CELF2: variants seen among roughly 807,000 people sequenced by gnomAD.
CELF2 encodes CUGBP Elav-like family member 2, also known as CUG triplet repeat RNA-binding protein 2.
A neutral mutation model predicts 62.6 loss-of-function variants in CELF2; 8 were observed. The ratio of observed to expected loss-of-function variants is 0.13; its 90% confidence interval spans 0.07 to 0.23. The LOEUF is 0.23. CELF2 is among the 10% of genes least tolerant of loss of function. CELF2 has a pLI of 1.00. For synonymous variants in CELF2, 258 were observed against 250.0 expected (o/e 1.03, Z -0.30); for missense variants, 333 against 671.0 (o/e 0.50, Z 5.56).
In CELF2 at chr10:11,199,887, A is replaced by G. The variant is rs182805253; in HGVS notation, c.272-17538A>G. ...GCTAGAGGTAACCTGGAAGTGTCCT[A>G]ATTGGATGGCCTGAATTTCTCACCC... On this transcript the variant is annotated intron_variant, in intron 2 of 12. Transcript: ENST00000633077. Among the ~76,000 whole-genome samples the G allele has an allele frequency of 1.0e-3, 159 of 152,286 alleles. 1 individual carries two copies. The highest frequency in any genetic ancestry group is 2.7e-3 in the South Asian group (13 of 4,830).
At chr10:11,240,844 G>C (rs1286844888) in intron 3 of CELF2, among the ~76,000 whole-genome samples, 1 of 152,144 alleles carries the variant, frequency 6.6e-6, no homozygotes, top group East Asian at 1.9e-4. Context: ...CAGATTCTTA[G>C]AAACCCCAAA....
chr10:11,197,074 A>G (rs553771678), intron 2 of CELF2, among the ~76,000 whole-genome samples: 7 of 141,490 alleles, frequency 4.9e-5, no homozygotes, highest in African/African-American at 1.7e-4. Context: ...AAGAAAGGAA[A>G]GAAAGAAAGA....
At chr10:11,303,301 C>T (rs2093937356) in intron 9 of CELF2, among the ~76,000 whole-genome samples, 1 of 152,202 alleles carries the variant, frequency 6.6e-6, no homozygotes, top group Non-Finnish European at 1.5e-5. Flanking sequence ...CATGTCTGGT[C>T]ACCCTTCTCG....
intron 1 of CELF2, among the ~76,000 whole-genome samples, chr10:10,822,134 T>C (rs1013748863): frequency 2.0e-5 from 3 of 152,204 alleles, no homozygotes; most frequent in African/African-American, 7.2e-5. Context: ...GGTTGCTTGT[T>C]CTAGAGCCTG....
Position 11,115,489 on chromosome 10 carries a change from A to T in CELF2, c.75-49997A>T, listed in dbSNP as rs74523078. Among the ~76,000 whole-genome samples the T allele has an allele frequency of 4.4e-3, 663 of 152,312 alleles. 6 individuals are homozygous for T. The highest frequency in any genetic ancestry group is 0.015 in the African/African-American group (641 of 41,558). The stretch of plus-strand genomic sequence containing the variant: ...TATTTGTGAGTCATAGGGATCCATT[A>T]TCCATATCTGCTGAAGGGCTGTCAG... On this transcript the variant is annotated intron_variant, in intron 1 of 12. Transcript: ENST00000633077.
chr10:10,900,986 G>A (rs1437128317), intron 1 of CELF2, among the ~76,000 whole-genome samples: 1 of 152,168 alleles, frequency 6.6e-6, no homozygotes, highest in Admixed American at 6.5e-5. Context: ...CAAAAGAGGT[G>A]AAAATCTGTA....
At chr10:10,926,011 A>G (rs1218973640) in intron 2 of CELF2, among the ~76,000 whole-genome samples, 1 of 151,972 alleles carries the variant, frequency 6.6e-6, no homozygotes, top group Non-Finnish European at 1.5e-5. Context: ...TCCTGCACAA[A>G]CCTTTCCCTT....
At chr10:10,748,439 C>A in the CELF2 span, among the ~76,000 whole-genome samples, 6 of 151,974 alleles carry the variant, frequency 3.9e-5, no homozygotes, top group Non-Finnish European at 8.8e-5. Context: ...GGCAGGATCC[C>A]AAGTATATAT....
intron 1 of CELF2, among the ~76,000 whole-genome samples, chr10:11,067,149 G>C (rs1403447904): frequency 1.3e-5 from 2 of 152,160 alleles, no homozygotes; most frequent in African/African-American, 4.8e-5. Flanking sequence ...ATTTGGAAAG[G>C]AGGAACCTCA....
At chr10:10,608,090 T>A in the CELF2 span, among the ~76,000 whole-genome samples, 2 of 152,142 alleles carry the variant, frequency 1.3e-5, no homozygotes, top group Admixed American at 1.3e-4. Context: ...ATAGCGCCAT[T>A]GTACTCCAGC....
chr10:11,005,270 G>C (rs1181331631), upstream of CELF2: 1 of 1,566,194 alleles, frequency 6.4e-7, no homozygotes, highest in Non-Finnish European at 8.7e-7. This position sits in a 1 kb window ranked among gnomAD's most constrained non-coding sequence, Gnocchi z 4.3. Context: ...GAGAGAGAGA[G>C]AGAGAGAGAG....
chr10:11,326,048 G>A (rs2095705845), intron 12 of CELF2, 69 bp downstream of exon 12: 2 of 1,482,196 alleles, frequency 1.3e-6, no homozygotes, highest in East Asian at 4.6e-5. Flanking sequence ...GAAGGAAAAT[G>A]TGAGACAGTT....
chr10:11,254,298 A>C (rs910605996), intron 4 of CELF2, among the ~76,000 whole-genome samples: 1 of 152,270 alleles, frequency 6.6e-6, no homozygotes, highest in Non-Finnish European at 1.5e-5. Context: ...CCACGGAGCA[A>C]CTTTGGCTAG....
intron 1 of CELF2, among the ~76,000 whole-genome samples, chr10:10,832,046 T>C (rs927361269): frequency 1.3e-5 from 2 of 151,260 alleles, no homozygotes; most frequent in African/African-American, 2.4e-5. Flanking sequence ...AGCAGGCGGA[T>C]TGCCTGAGCT....
chr10:11,163,854 A>G (rs2066312532), intron 1 of CELF2, among the ~76,000 whole-genome samples: 1 of 152,198 alleles, frequency 6.6e-6, no homozygotes. Context: ...CTTTTTAACC[A>G]TGAGTATCTT....
chr10:11,278,097 G>A (rs1049126550), intron 8 of CELF2, among the ~76,000 whole-genome samples: 8 of 152,196 alleles, frequency 5.3e-5, no homozygotes, highest in African/African-American at 1.9e-4. Flanking sequence ...TCAGCTTCAG[G>A]AGAAAATAAA....
At chr10:10,944,061 T>C (rs1237637627) in intron 2 of CELF2, 1 of 152,500 alleles carries the variant, frequency 6.6e-6, no homozygotes, top group African/African-American at 2.4e-5. Context: ...TTTCTAGTAT[T>C]GGGTCTATCT....
intron 2 of CELF2, among the ~76,000 whole-genome samples, chr10:11,196,542 C>T (rs1054461780): frequency 2.0e-5 from 3 of 151,992 alleles, no homozygotes; most frequent in Non-Finnish European, 2.9e-5. Context: ...TTGTTCATGC[C>T]GGTGGTCCCA....
In CELF2 at chr10:11,222,687, A is replaced by G. The variant is rs1242953639; in HGVS notation, c.354+5180A>G. On this transcript the variant is annotated intron_variant, in intron 3 of 12. Transcript: ENST00000633077. ...CCACAAAGCCTGCCACTATGCTTACACGTGGTATGTGTTTAGTAAGTAGCT... is the reference window on the plus strand; with the variant it reads ...CCACAAAGCCTGCCACTATGCTTACGCGTGGTATGTGTTTAGTAAGTAGCT... Among the ~76,000 whole-genome samples, 6 of 152,248 alleles carry G rather than the reference A, an allele frequency of 3.9e-5. No homozygotes were observed. The South Asian group carries it at 8.3e-4, about 21-fold the overall frequency.
Sources: allele counts gnomAD v4.1 joint callset (sites outside exome capture counted in the v4.1 genomes callset), GRCh38; gene constraint gnomAD v4.1.1; non-coding constraint Gnocchi (gnomAD v3.1); transcripts MANE v1.5; gene names NCBI Gene and HGNC (gene_info 2026-07-23, HGNC 2026-07-21).